CCDC154: variants seen among roughly 807,000 people sequenced by gnomAD.
CCDC154 encodes coiled-coil domain-containing protein 154.
In CCDC154, 91 loss-of-function variants were observed where a neutral mutation model predicts 87.5. That is an observed-to-expected ratio of 1.04 (90% CI 0.88 to 1.24). The LOEUF is 1.24. Ranked by LOEUF, CCDC154 falls within the 50% of genes most tolerant of loss-of-function variation. The pLI is 0.00. For missense variants in CCDC154, 903 were observed against 879.2 expected (o/e 1.03, Z -0.34); for synonymous variants, 418 against 400.4 (o/e 1.04, Z -0.52).
At chr16:1,440,000 G>C (rs1026255631) in intron 6 of CCDC154, among the ~76,000 whole-genome samples, 1 of 151,926 alleles carries the variant, frequency 6.6e-6, no homozygotes, top group Non-Finnish European at 1.5e-5. Context: ...ACTACAGAAA[G>C]TAGCCAGACA....
intron 9 of CCDC154, 78 bp downstream of exon 9, chr16:1,438,541 C>A: frequency 7.7e-7 from 1 of 1,297,878 alleles, no homozygotes; most frequent in South Asian, 1.3e-5. Context: ...CCTGCTGAGT[C>A]GGCCACTGCG....
chr16:1,436,758 C>T lies in CCDC154; in HGVS notation c.1344G>A (p.Arg448=), dbSNP rs958680092. Residue 448 remains arginine (R), a synonymous_variant, in exon 12 of 17, where the codon AGG becomes AGA. Transcript: ENST00000389176. ...AERKSLEDLA[R]WRKEVTEHLR... is the part of the protein sequence containing the mutation. ...GGTGTTCGGTCACCTCCTTCCGCCA[C>T]CTGGCCAGGTCCTCCAGGGACTTCC... 1 of 1,550,536 alleles carries T rather than the reference C, an allele frequency of 6.4e-7. No individual in the cohort carries two copies.
intron 6 of CCDC154, among the ~76,000 whole-genome samples, chr16:1,440,968 A>C (rs560550228): frequency 1.3e-5 from 2 of 151,612 alleles, no homozygotes; most frequent in African/African-American, 4.8e-5. Context: ...AAAAAAAAAA[A>C]ATTAGCCAGG....
At chr16:1,438,775 C>T (rs959198939) in intron 8 of CCDC154, 38 bp from the exon 9 acceptor site, 29 of 1,542,588 alleles carry the variant, frequency 1.9e-5, no homozygotes, top group East Asian at 2.5e-5. Context: ...ACCTGCACCC[C>T]GGCCCCGGCC....
intron 3 of CCDC154, 69 bp downstream of exon 3, chr16:1,443,437 G>T (rs879925752): frequency 3.5e-6 from 5 of 1,430,046 alleles, no homozygotes; most frequent in Non-Finnish European, 4.6e-6. Flanking sequence ...TGGGCTCCAG[G>T]CCCAGAAGCA....
chr16:1,442,330 TG>T (rs2038559030), intron 6 of CCDC154, 75 bp downstream of exon 6: 1 of 1,434,190 alleles, frequency 7.0e-7, no homozygotes, highest in Non-Finnish European at 9.2e-7. Context: ...CTGTATCGGA[TG>T]GCACAGGCCG....
chr16:1,435,774 C>A (rs1289303859), intron 14 of CCDC154, among the ~76,000 whole-genome samples, 195 bp downstream of exon 14: 1 of 152,178 alleles, frequency 6.6e-6, no homozygotes, highest in South Asian at 2.1e-4. Context: ...GATCCACCCG[C>A]CTCGGCCTCC....
At chr16:1,436,370 G>A (rs1337160969) in intron 13 of CCDC154, 75 bp downstream of exon 13, 8 of 1,240,322 alleles carry the variant, frequency 6.4e-6, no homozygotes, top group Non-Finnish European at 9.1e-6. Flanking sequence ...ATTGTGGAGA[G>A]TAGCGTGGGG....
chr16:1,438,462 G>T, intron 9 of CCDC154, 157 bp downstream of exon 9: 1 of 767,474 alleles, frequency 1.3e-6, no homozygotes, highest in Non-Finnish European at 2.1e-6. Context: ...ACAGGAGGGA[G>T]GAGGGTTCGC....
intron 2 of CCDC154, 38 bp downstream of exon 2, chr16:1,443,758 C>T (rs12596752): frequency 0.42 from 552,705 of 1,303,156 alleles, 120,286 homozygotes; most frequent in East Asian, 0.78. Context: ...GCGGCGGCGA[C>T]GTGGTCCTCC....
intron 6 of CCDC154, among the ~76,000 whole-genome samples, chr16:1,439,741 A>G (rs1401324615): frequency 6.6e-6 from 1 of 152,154 alleles, no homozygotes; most frequent in Admixed American, 6.5e-5. Flanking sequence ...AAAAAGCCAG[A>G]TGGTACATGT....
In CCDC154 at chr16:1,443,113, A is replaced by T. The variant is rs371188826; in HGVS notation, c.456-138T>A. ...CTGAAGGCCGCCCAGGCACGTACAA[A>T]CCCGGCCTTTTCTAGCTGGACCTGG... is the stretch of plus-strand genomic sequence containing the variant. On this transcript the variant is annotated intron_variant, in intron 4 of 16. Transcript: ENST00000389176. 2.9e-5 allele frequency: 40 copies of T among 1,362,964 alleles called. No homozygotes were observed. The African/African-American group carries it at 5.1e-4, about 17-fold the overall frequency. The allele number at this position is 1,362,964 out of a possible 1,614,324, so 84.4% of individuals were successfully genotyped here.
intron 6 of CCDC154, among the ~76,000 whole-genome samples, chr16:1,441,780 C>A (rs945175529): frequency 6.6e-6 from 1 of 151,904 alleles, no homozygotes; most frequent in African/African-American, 2.4e-5. Flanking sequence ...GGCAACTGAG[C>A]TTTTTTTTGA....
chr16:1,435,890 G>T, intron 14 of CCDC154, 79 bp downstream of exon 14: 2 of 1,229,262 alleles, frequency 1.6e-6, no homozygotes, highest in African/African-American at 1.5e-5. Flanking sequence ...TGGGGGTCCT[G>T]CCTCTCCGCA....
chr16:1,434,585 G>C, intron 16 of CCDC154, 51 bp from the exon 17 acceptor site: 1 of 1,291,192 alleles, frequency 7.7e-7, no homozygotes, highest in Non-Finnish European at 1.1e-6. Context: ...CACCCCCCAT[G>C]GCCCACCTGC....
At chr16:1,441,305 G>A (rs1453709722) in intron 6 of CCDC154, among the ~76,000 whole-genome samples, 1 of 152,242 alleles carries the variant, frequency 6.6e-6, no homozygotes, top group Non-Finnish European at 1.5e-5. Flanking sequence ...CTGAAGGGCA[G>A]TGAGAGGGAG....
rs2038505127 is a variant in CCDC154, at chr16:1,436,694, G to A, written c.1408C>T (p.Gln470Ter). 1 of 1,550,026 alleles carries A rather than the reference G, an allele frequency of 6.5e-7. No individual in the cohort carries two copies. The highest frequency in any genetic ancestry group is 1.4e-5 in the African/African-American group (1 of 73,056). Residue 470 changes from glutamine to a stop codon, truncating the protein, a stop_gained and splice_region_variant, in exon 12 of 17, where the codon CAG (glutamine) becomes TAG (stop). Coordinates refer to ENST00000389176, the MANE Select transcript of CCDC154 (RefSeq NM_001143980.3). LOFTEE classifies it high-confidence loss of function. Reference sequence around the variant, plus strand: ...AGGCTGGCTGTGCCTTCGCCCACCTGCTGGGGGAGGCCATCCACCTTCTCC... The same window carrying A: ...AGGCTGGCTGTGCCTTCGCCCACCTACTGGGGGAGGCCATCCACCTTCTCC... ...VREKVDGLPQ[Q>*]IESVSDKCLL... is the part of the protein sequence containing the mutation.
Position 1,439,106 on chromosome 16 carries a change from G to A in CCDC154, c.696C>T (p.Gly232=), listed in dbSNP as rs757328195. Residue 232 remains glycine, a synonymous_variant, in exon 7 of 17, where the codon GGC becomes GGT. Coordinates refer to ENST00000389176, the MANE Select transcript of CCDC154 (RefSeq NM_001143980.3). ...TCAGGAAGCGCAGGCTCACCTCTTC[G>A]CCGAGCTTGGTCACCTGGGCCTGGG... is the stretch of plus-strand genomic sequence containing the variant. ...ARMQAQVTKL[G]EEVSLRFLKR... 22 of 1,550,106 alleles carry A rather than the reference G, an allele frequency of 1.4e-5. No homozygotes were observed. Among genetic ancestry groups the A allele is most frequent in the South Asian group, 2.4e-5 (2 of 84,056 alleles).
At chr16:1,441,215 G>A (rs537849992) in intron 6 of CCDC154, among the ~76,000 whole-genome samples, 19 of 152,294 alleles carry the variant, frequency 1.2e-4, no homozygotes, top group African/African-American at 3.6e-4. Context: ...CCTCATGAGC[G>A]GCAGCTCCCC....
Sources: allele counts gnomAD v4.1 joint callset (sites outside exome capture counted in the v4.1 genomes callset), GRCh38; gene constraint gnomAD v4.1.1; transcripts MANE v1.5; gene names NCBI Gene and HGNC (gene_info 2026-07-23, HGNC 2026-07-21).